Variants in FBXW7 observed in about 807,000 individuals in gnomAD.
The protein encoded by FBXW7 is F-box/WD repeat-containing protein 7.
FBXW7 carries 11 observed loss-of-function variants against 86.3 expected under a neutral mutation model. The ratio of observed to expected loss-of-function variants is 0.13; its 90% CI spans 0.08 to 0.21. The LOEUF (loss-of-function observed/expected upper bound fraction) is 0.21, where lower values mean the gene tolerates loss of function less well. Among genes scored for constraint, FBXW7 ranks in the 10% least tolerant of loss-of-function variants. FBXW7 has a pLI of 1.00. For synonymous variants in FBXW7, 313 were observed against 297.9 expected, an observed-to-expected ratio of 1.05 and a Z score of -0.52; for missense variants, 488 against 847.4, an observed-to-expected ratio of 0.58 and a Z score of 5.27.
chr4:152,345,614 A>G (rs769882545), intron 6 of FBXW7, among the ~76,000 whole-genome samples: 9 of 152,262 alleles, frequency 5.9e-5, no homozygotes, highest in Non-Finnish European at 1.0e-4. Context: ...AACGCGGGGA[A>G]AAACTAATCC....
chr4:152,456,188 G>T (rs1742392517), intron 2 of FBXW7, among the ~76,000 whole-genome samples: 1 of 151,872 alleles, frequency 6.6e-6, no homozygotes, highest in Non-Finnish European at 1.5e-5. Context: ...CACATAGAAA[G>T]AACTCTTATA....
intron 4 of FBXW7, among the ~76,000 whole-genome samples, chr4:152,403,839 C>A (rs1227315036): frequency 2.6e-5 from 4 of 151,984 alleles, no homozygotes; most frequent in Non-Finnish European, 5.9e-5. Context: ...GTTGGGGACA[C>A]CCATTTTCAA....
intron 2 of FBXW7, among the ~76,000 whole-genome samples, chr4:152,501,931 AT>A (rs1746992492): frequency 6.6e-6 from 1 of 152,104 alleles, no homozygotes; most frequent in Admixed American, 6.6e-5. Context: ...AATGTTTGAA[AT>A]TTTTTCATGC....
intron 4 of FBXW7, among the ~76,000 whole-genome samples, chr4:152,363,131 T>G (rs1051582474): frequency 7.2e-5 from 11 of 152,262 alleles, no homozygotes; most frequent in Admixed American, 7.2e-4. Context: ...TGAGAGCAAT[T>G]CATGTGAGCC....
chr4:152,479,143 C>G (rs1744659813), intron 2 of FBXW7, among the ~76,000 whole-genome samples: 1 of 152,056 alleles, frequency 6.6e-6, no homozygotes, highest in Admixed American at 6.6e-5. Context: ...AAGACAGTTA[C>G]ACATAAGCTG....
At chr4:152,433,887 T>C (rs1230182295) in intron 2 of FBXW7, among the ~76,000 whole-genome samples, 1 of 152,236 alleles carries the variant, frequency 6.6e-6, no homozygotes, top group Admixed American at 6.5e-5. Flanking sequence ...GCATCTTACA[T>C]GTATTTGTTG....
chr4:152,502,075 A>AGT (rs775977037), intron 2 of FBXW7, among the ~76,000 whole-genome samples: 1 of 152,308 alleles, frequency 6.6e-6, no homozygotes, highest in Non-Finnish European at 1.5e-5. Flanking sequence ...TCTAGTCCCA[A>AGT]GTAACCAAAA....
chr4:152,434,419 C>T (rs1740193343), intron 2 of FBXW7, among the ~76,000 whole-genome samples: 1 of 152,210 alleles, frequency 6.6e-6, no homozygotes, highest in South Asian at 2.1e-4. Context: ...AGCATGTTCA[C>T]TTTTCTAGCC....
intron 2 of FBXW7, among the ~76,000 whole-genome samples, chr4:152,459,047 T>C (rs1024866337): frequency 1.3e-5 from 2 of 152,232 alleles, no homozygotes; most frequent in Non-Finnish European, 2.9e-5. Context: ...CCTCTCTGTA[T>C]ATTCACTCCA....
intron 4 of FBXW7, chr4:152,382,049 A>G (rs535480477): frequency 8.5e-6 from 4 of 469,450 alleles, no homozygotes; most frequent in South Asian, 6.4e-5. Context: ...TATCACTTAT[A>G]TAAGTGTTTA....
rs1728564871 is a variant in FBXW7, at chr4:152,321,587, C to A, written c.*1294G>T. On this transcript the variant is annotated 3_prime_UTR_variant, in exon 14 of 14. Transcript: ENST00000281708. ...TGTTTGTTTGCATGTGACGCCTTTA[C>A]TACAAAAACTGAATAGTTTCTGCTT... 1 of 233,078 alleles carries A rather than the reference C, an allele frequency of 4.3e-6. No homozygotes were observed. The highest frequency in any genetic ancestry group is 2.2e-5 in the African/African-American group (1 of 45,300). The allele number at this position is 233,078 out of a possible 1,614,324, so 14.4% of individuals were successfully genotyped here. A position where few individuals can be genotyped will look rare whatever the true frequency, so the allele number is the denominator to read the frequency against.
At chr4:152,462,917 CT>C (rs534922461) in intron 2 of FBXW7, among the ~76,000 whole-genome samples, 4,940 of 127,034 alleles carry the variant, frequency 0.039, 159 homozygotes, top group African/African-American at 0.093. Flanking sequence ...CACTTCCAGT[CT>C]TTTTTTTTTT....
intron 2 of FBXW7, among the ~76,000 whole-genome samples, chr4:152,496,449 C>T (rs988883860): frequency 1.3e-5 from 2 of 151,608 alleles, no homozygotes; most frequent in African/African-American, 2.4e-5. Context: ...CCCAGCACTT[C>T]GAGAAGCTGA....
chr4:152,325,499 A>G (rs1728939621), intron 12 of FBXW7: 2 of 152,402 alleles, frequency 1.3e-5, no homozygotes, highest in South Asian at 4.1e-4. Context: ...AAAAAAAAGA[A>G]ATCGGTTTAG....
chr4:152,444,837 ACTTT>A (rs760104948), intron 2 of FBXW7, among the ~76,000 whole-genome samples: 134 of 152,218 alleles, frequency 8.8e-4, no homozygotes, highest in Admixed American at 1.9e-3. Flanking sequence ...CCTGAACCAT[ACTTT>A]CTTTGTTTGA....
In FBXW7 at chr4:152,527,249, TG is replaced by T. The variant is rs371797964; in HGVS notation, c.-120+7691del. On this transcript the variant is annotated intron_variant, in intron 2 of 13. Transcript: ENST00000281708. The stretch of plus-strand genomic sequence containing the variant: ...ATGAAGCCAAGAAATTATTGAATTA[TG>T]AATTACTGAATGCATATTATGAATG... Among the ~76,000 whole-genome samples the T allele has an allele frequency of 7.7e-4, 118 of 152,372 alleles. No homozygotes were observed. In the East Asian group the frequency reaches 9.4e-3, roughly 12 times the overall value.
At chr4:152,433,841 T>C (rs940482058) in intron 2 of FBXW7, among the ~76,000 whole-genome samples, 2 of 152,216 alleles carry the variant, frequency 1.3e-5, no homozygotes, top group Non-Finnish European at 2.9e-5. Flanking sequence ...AAAAAAATGA[T>C]TGACTATTTT....
chr4:152,320,903 A>G lies in FBXW7; in HGVS notation c.*1978T>C, dbSNP rs1728516841. On this transcript the variant is annotated 3_prime_UTR_variant, in exon 14 of 14. Coordinates refer to ENST00000281708, the MANE Select transcript of FBXW7 (RefSeq NM_001349798.2). ...CAGAAAGTATCGAGGGTAAGCACTT[A>G]ATATGTGGTCAAAATTTCAAAATGA... 6.6e-6 allele frequency: 1 copy of G among 152,320 alleles called. No homozygotes were observed. Among genetic ancestry groups the G allele is most frequent in the Non-Finnish European group, 1.5e-5 (1 of 68,120 alleles). 9.4% of individuals were successfully genotyped at this position (152,320 alleles called of 1,614,324 possible). A position where few individuals can be genotyped will look rare whatever the true frequency, so the allele number is the denominator to read the frequency against.
intron 2 of FBXW7, among the ~76,000 whole-genome samples, chr4:152,518,952 A>C (rs1301990880): frequency 3.9e-5 from 6 of 152,188 alleles, no homozygotes; most frequent in Non-Finnish European, 5.9e-5. Context: ...AGAAAAAATA[A>C]ATTTTTTTTA....
Sources: gnomAD v4.1 joint callset for allele counts (sites outside exome capture counted in the v4.1 genomes callset) on GRCh38, gnomAD v4.1.1 for gene constraint, MANE v1.5 for transcripts, NCBI Gene and HGNC (gene_info 2026-07-23, HGNC 2026-07-21) for gene names.